Variants in ZNF487 observed in about 807,000 individuals in gnomAD.
The protein encoded by ZNF487 is KRAB domain only 1.
Under a neutral mutation model 3.0 loss-of-function variants are expected in ZNF487, and 4 were observed. The observed-to-expected ratio is 1.35, with a 90% confidence interval of 0.66 to 3.08. ZNF487 has a LOEUF of 3.08. Among genes scored for constraint, ZNF487 ranks in the 30% most tolerant of loss-of-function variants. The pLI, the probability that ZNF487 is intolerant of heterozygous loss-of-function variation, is 0.01. For missense variants in ZNF487, 146 were observed against 98.7 expected (o/e 1.48, Z -2.03); for synonymous variants, 55 against 34.6 (o/e 1.59, Z -2.06).
At chr10:43,443,968 T>C (rs1332562931) in intron 1 of ZNF487, among the ~76,000 whole-genome samples, 1 of 151,636 alleles carries the variant, frequency 6.6e-6, no homozygotes, top group Non-Finnish European at 1.5e-5. Context: ...TTCCTCTGCC[T>C]CAGCCTCCTG....
intron 1 of ZNF487, among the ~76,000 whole-genome samples, chr10:43,464,137 G>A (rs1178118764): frequency 6.6e-6 from 1 of 151,474 alleles, no homozygotes; most frequent in Non-Finnish European, 1.5e-5. Flanking sequence ...TAGGCCTCTT[G>A]TGCCGAACAG....
chr10:43,489,081 CAG>C, the ZNF487 span, among the ~76,000 whole-genome samples: 2 of 152,084 alleles, frequency 1.3e-5, no homozygotes, highest in African/African-American at 4.8e-5. Flanking sequence ...GCCCAGGCAA[CAG>C]AGACAGACCC....
rs568459129 is a variant in ZNF487, at chr10:43,444,840, G to T, written c.-94+7578G>T. Among the ~76,000 whole-genome samples, 102 of 152,212 alleles carry T rather than the reference G, an allele frequency of 6.7e-4. 1 individual carries two copies. The highest frequency in any genetic ancestry group is 1.1e-3 in the Non-Finnish European group (76 of 68,020). ...GCCTCGGCCTCCCAGGCAGTGCTGG[G>T]ATTACAGGTGTGAGCCACTGCAGCT... On this transcript the variant is annotated intron_variant, in intron 1 of 3. Coordinates refer to ENST00000437590, the MANE Select transcript of ZNF487 (RefSeq NM_001355444.3).
chr10:43,502,873 A>C, the ZNF487 span, among the ~76,000 whole-genome samples: 2 of 152,078 alleles, frequency 1.3e-5, no homozygotes, highest in Non-Finnish European at 2.9e-5. Context: ...TCTACAGGAA[A>C]TATAAAAATC....
chr10:43,484,572 A>G (rs1280127707), downstream of ZNF487, among the ~76,000 whole-genome samples: 2 of 152,166 alleles, frequency 1.3e-5, no homozygotes, highest in African/African-American at 4.8e-5. Context: ...ATGCCACTGC[A>G]TGCCAGCCTG....
rs1840105991 is a variant in ZNF487, at chr10:43,454,480, G to C, written c.-94+17218G>C. 3 of 152,308 alleles carry C rather than the reference G, an allele frequency of 2.0e-5. No homozygotes were observed. The South Asian group carries it at 6.2e-4, about 32-fold the overall frequency. 9.4% of individuals were successfully genotyped at this position (152,308 alleles called of 1,614,324 possible). ...CACTTGTCAGTCTCCTAAAAATGCA[G>C]TGTATGTGCTTTGAAACTTGTGAAT... On this transcript the variant is annotated intron_variant, in intron 1 of 3. Transcript: ENST00000437590.
rs11285621 is a variant in ZNF487 at position 43,477,653 on chromosome 10, GAA to G, written c.130+1463_130+1464del. Among the ~76,000 whole-genome samples, 351 of 145,634 alleles carry G rather than the reference GAA, an allele frequency of 2.4e-3. 1 individual carries two copies. Among genetic ancestry groups the G allele is most frequent in the African/African-American group, 7.1e-3 (283 of 39,694 alleles). ...AAAATTAAATGTGTTGGATTAGACT[GAA>G]AAAAAAAAAAATGAGGTCGGGCTTG... On this transcript the variant is annotated intron_variant, in intron 3 of 3. Transcript: ENST00000437590.
chr10:43,459,440 G>C (rs2132085235), intron 1 of ZNF487, among the ~76,000 whole-genome samples: 1 of 152,224 alleles, frequency 6.6e-6, no homozygotes. Context: ...ATGTTGGCCA[G>C]GCTGGTCTCG....
At chr10:43,501,136 A>C in the ZNF487 span, among the ~76,000 whole-genome samples, 1 of 152,262 alleles carries the variant, frequency 6.6e-6, no homozygotes, top group Non-Finnish European at 1.5e-5. Flanking sequence ...GGAATACTGT[A>C]GACAATTGTA....
At chr10:43,473,342 A>C (rs1264288817) in intron 1 of ZNF487, among the ~76,000 whole-genome samples, 1 of 151,930 alleles carries the variant, frequency 6.6e-6, no homozygotes, top group Non-Finnish European at 1.5e-5. Context: ...GGCCTCCCAA[A>C]GTGCTGAGAC....
intron 1 of ZNF487, among the ~76,000 whole-genome samples, chr10:43,459,618 T>C (rs1182336360): frequency 6.6e-6 from 1 of 152,094 alleles, no homozygotes; most frequent in Non-Finnish European, 1.5e-5. Context: ...TCACGCAGTC[T>C]GGAGTGCAGT....
At chr10:43,452,292 C>T (rs117484264) in intron 1 of ZNF487, 4,258 of 152,270 alleles carry the variant, frequency 0.028, 93 homozygotes, top group South Asian at 0.041. Flanking sequence ...GCTCTAAAGG[C>T]AAGTTCAAGC....
At chr10:43,475,187 C>T (rs1398172877) in intron 1 of ZNF487, among the ~76,000 whole-genome samples, 1 of 152,142 alleles carries the variant, frequency 6.6e-6, no homozygotes, top group Non-Finnish European at 1.5e-5. Context: ...CTGCCTCCTG[C>T]GTCTATCACT....
chr10:43,450,701 C>A (rs1420798979), intron 1 of ZNF487, among the ~76,000 whole-genome samples: 1 of 152,012 alleles, frequency 6.6e-6, no homozygotes, highest in African/African-American at 2.4e-5. Flanking sequence ...GCCTTTTTAT[C>A]CATAGTAAAT....
At chr10:43,453,220 A>C (rs554658482) in intron 1 of ZNF487, 13 of 152,284 alleles carry the variant, frequency 8.5e-5, no homozygotes, top group Non-Finnish European at 1.9e-4. Context: ...GCTCCTTGAG[A>C]AAGCAATGTT....
chr10:43,456,674 G>A (rs1840215718), intron 1 of ZNF487, among the ~76,000 whole-genome samples: 1 of 151,888 alleles, frequency 6.6e-6, no homozygotes, highest in African/African-American at 2.4e-5. Flanking sequence ...TCTGCCTCCC[G>A]GGTTCAAGCG....
At chr10:43,491,723 A>G in the ZNF487 span, among the ~76,000 whole-genome samples, 1 of 151,742 alleles carries the variant, frequency 6.6e-6, no homozygotes. Context: ...TTTCTTTTGC[A>G]CCATGAATTT....
the ZNF487 span, among the ~76,000 whole-genome samples, chr10:43,520,597 TAA>T: frequency 6.6e-6 from 1 of 152,258 alleles, no homozygotes. Context: ...GAAAATATTT[TAA>T]AGTTAAACAG....
At chr10:43,455,483 C>A (rs1044764393) in intron 1 of ZNF487, among the ~76,000 whole-genome samples, 4 of 152,252 alleles carry the variant, frequency 2.6e-5, no homozygotes, top group Admixed American at 6.5e-5. Context: ...CCATGCCTGC[C>A]GTGCAGGCGT....
Sources: gnomAD v4.1 joint callset for allele counts (sites outside exome capture counted in the v4.1 genomes callset) on GRCh38, gnomAD v4.1.1 for gene constraint, MANE v1.5 for transcripts, NCBI Gene and HGNC (gene_info 2026-07-23, HGNC 2026-07-21) for gene names.